Variants in XPNPEP3 observed in about 807,000 individuals in gnomAD.
XPNPEP3 encodes the protein X-prolyl aminopeptidase 3.
Under a neutral mutation model 60.0 loss-of-function variants are expected in XPNPEP3, and 41 were observed. The observed-to-expected ratio is 0.68, with a 90% CI of 0.53 to 0.89. The LOEUF is 0.89. Among genes scored for constraint, XPNPEP3 ranks in the 40% least tolerant of loss-of-function variants. XPNPEP3 has a pLI of 0.00. For missense variants in XPNPEP3, 598 were observed against 638.9 expected (o/e 0.94, Z 0.69); for synonymous variants, 212 against 223.2 (o/e 0.95, Z 0.45).
chr22:40,904,305 C>T (rs889744282), intron 4 of XPNPEP3, among the ~76,000 whole-genome samples: 1 of 152,106 alleles, frequency 6.6e-6, no homozygotes, highest in African/African-American at 2.4e-5. Context: ...AGAAGTAAAG[C>T]AAGATTAGGC....
intron 1 of XPNPEP3, chr22:40,860,863 C>A: frequency 1.5e-6 from 1 of 668,402 alleles, no homozygotes; most frequent in Non-Finnish European, 2.4e-6. Context: ...ACTGCCCAGG[C>A]AAATTCTTAT....
chr22:40,864,671 C>T (rs2057968992), intron 1 of XPNPEP3, among the ~76,000 whole-genome samples: 1 of 152,128 alleles, frequency 6.6e-6, no homozygotes, highest in Non-Finnish European at 1.5e-5. Context: ...TCTCGAACTC[C>T]CAACCTCAGG....
rs1045654811 is a variant in XPNPEP3, at chr22:40,865,450, T to A, written c.65-3549T>A. Among the ~76,000 whole-genome samples, 6 of 150,878 alleles carry A rather than the reference T, an allele frequency of 4.0e-5. No individual in the cohort carries two copies. In the Admixed American group the frequency reaches 4.0e-4, roughly 10 times the overall value. On this transcript the variant is annotated intron_variant, in intron 1 of 9. Transcript: ENST00000357137. ...TTCAAGCCATTCTCCTGCTTCAGCCTCCCGAGTAGCTGGGATTACAGGCAT... is the reference window on the plus strand; with the variant it reads ...TTCAAGCCATTCTCCTGCTTCAGCCACCCGAGTAGCTGGGATTACAGGCAT...
intron 9 of XPNPEP3, among the ~76,000 whole-genome samples, chr22:40,925,892 A>G (rs75078102): frequency 0.034 from 5,114 of 152,292 alleles, 121 homozygotes; most frequent in Non-Finnish European, 0.055. Flanking sequence ...AGGCAGGGGA[A>G]GAATGCACTT....
chr22:40,920,058 A>G (rs1411830056), intron 7 of XPNPEP3, among the ~76,000 whole-genome samples: 3 of 152,098 alleles, frequency 2.0e-5, no homozygotes, highest in Admixed American at 2.0e-4. Flanking sequence ...CTCGGAAAGT[A>G]GGGATATTGA....
intron 4 of XPNPEP3, among the ~76,000 whole-genome samples, chr22:40,905,855 C>T (rs972002388): frequency 3.9e-5 from 6 of 151,934 alleles, no homozygotes; most frequent in East Asian, 3.9e-4. Context: ...TGCAGTGGCA[C>T]GATCTCGGCT....
chr22:40,859,521 C>T (rs2145762844), intron 1 of XPNPEP3: 1 of 152,064 alleles, frequency 6.6e-6, no homozygotes, highest in East Asian at 1.9e-4. Context: ...ATAAACTCTA[C>T]TAAATATCAC....
chr22:40,861,969 C>T (rs1447455044), intron 1 of XPNPEP3: 3 of 1,602,216 alleles, frequency 1.9e-6, no homozygotes, highest in Admixed American at 1.8e-5. Context: ...TCTTTGCAGT[C>T]CTAGAACTTC....
intron 2 of XPNPEP3, among the ~76,000 whole-genome samples, chr22:40,873,098 C>CTTTTTTTT (rs138353): frequency 8.4e-4 from 74 of 88,492 alleles, no homozygotes; most frequent in Non-Finnish European, 1.1e-3. Context: ...TTTTCTTTTT[C>CTTTTTTTT]TTTTTTTTTT....
At chr22:40,860,881 A>G in intron 1 of XPNPEP3, 1 of 674,794 alleles carries the variant, frequency 1.5e-6, no homozygotes, top group Non-Finnish European at 2.4e-6. Flanking sequence ...TATTAGCACC[A>G]ACTGTCACCA....
At chr22:40,892,026 G>A (rs1196930778) in intron 4 of XPNPEP3, among the ~76,000 whole-genome samples, 1 of 152,170 alleles carries the variant, frequency 6.6e-6, no homozygotes, top group Non-Finnish European at 1.5e-5. Flanking sequence ...TATTCCTTTT[G>A]TTGGGTTGCT....
chr22:40,891,467 A>G, intron 4 of XPNPEP3, among the ~76,000 whole-genome samples: 1 of 151,308 alleles, frequency 6.6e-6, no homozygotes, highest in Non-Finnish European at 1.5e-5. Flanking sequence ...AGCCTGGCCT[A>G]TATGGTGAAA....
intron 6 of XPNPEP3, among the ~76,000 whole-genome samples, chr22:40,913,307 G>A (rs2058183346): frequency 1.3e-5 from 2 of 151,568 alleles, no homozygotes; most frequent in African/African-American, 4.9e-5. Context: ...GTGTGGTGGC[G>A]GGCACCTGTA....
At chr22:40,860,696 A>G in intron 1 of XPNPEP3, 3 of 1,128,016 alleles carry the variant, frequency 2.7e-6, no homozygotes, top group Non-Finnish European at 3.8e-6. Flanking sequence ...TTTGTCACCC[A>G]AGCTGGAGTG....
At chr22:40,860,631 A>C in intron 1 of XPNPEP3, 1 of 1,316,320 alleles carries the variant, frequency 7.6e-7, no homozygotes, top group South Asian at 1.5e-5. Flanking sequence ...CAAAAGTAAA[A>C]AACTCATTGC....
chr22:40,920,473 A>C (rs1164197453), intron 7 of XPNPEP3, among the ~76,000 whole-genome samples: 1 of 152,154 alleles, frequency 6.6e-6, no homozygotes, highest in African/African-American at 2.4e-5. Context: ...TTCAGTCCAA[A>C]CTCAGGCAGG....
intron 3 of XPNPEP3, among the ~76,000 whole-genome samples, chr22:40,882,880 G>T (rs1456418284): frequency 1.3e-5 from 2 of 152,094 alleles, no homozygotes; most frequent in Non-Finnish European, 2.9e-5. Flanking sequence ...ATTCATTAAT[G>T]GAGACTGTTA....
At chr22:40,896,306 G>A (rs2058107817) in intron 4 of XPNPEP3, among the ~76,000 whole-genome samples, 1 of 152,108 alleles carries the variant, frequency 6.6e-6, no homozygotes, top group Non-Finnish European at 1.5e-5. Flanking sequence ...TGGGATTACA[G>A]GCAAGAGCCA....
In XPNPEP3 at chr22:40,857,397, C is replaced by G. The variant is rs537265155; in HGVS notation, c.64+152C>G. On this transcript the variant is annotated intron_variant, in intron 1 of 9. Transcript: ENST00000357137. ...CCGCGGATTTCTTCTATACCGGCTG[C>G]TCCTGGAAAGGGGTGGGCCCAGTGT... The G allele has an allele frequency of 2.5e-5, 22 of 897,898 alleles. No individual in the cohort carries two copies. In the African/African-American group the frequency reaches 2.8e-4, roughly 11 times the overall value. 55.6% of individuals were successfully genotyped at this position (897,898 alleles called of 1,614,324 possible).
Sources: gnomAD v4.1 joint callset for allele counts (sites outside exome capture counted in the v4.1 genomes callset) on GRCh38, gnomAD v4.1.1 for gene constraint, MANE v1.5 for transcripts, NCBI Gene and HGNC (gene_info 2026-07-23, HGNC 2026-07-21) for gene names.